Variants in SMARCA2 observed in about 807,000 individuals in gnomAD.
The protein encoded by SMARCA2 is SWI/SNF-related matrix-associated actin-dependent regulator of chromatin subfamily A member 2.
SMARCA2 carries 61 observed loss-of-function variants against 199.8 expected under a neutral mutation model. That is an observed-to-expected ratio of 0.31 (90% CI 0.25 to 0.38). The LOEUF is 0.38. Among genes scored for constraint, SMARCA2 ranks in the 10% least tolerant of loss-of-function variants. The pLI, the probability that SMARCA2 is intolerant of heterozygous loss-of-function variation, is 1.00. For synonymous variants in SMARCA2, 935 were observed against 732.0 expected (o/e 1.28, Z -4.48); for missense variants, 1,344 against 2,012.2 (o/e 0.67, Z 6.35).
chr9:2,085,045 C>T (rs923151483), intron 17 of SMARCA2, among the ~76,000 whole-genome samples: 3 of 152,100 alleles, frequency 2.0e-5, no homozygotes, highest in African/African-American at 7.2e-5. Context: ...ACCTCTATTT[C>T]TGGGGTCTAT....
intron 5 of SMARCA2, among the ~76,000 whole-genome samples, chr9:2,049,973 C>T (rs1042737361): frequency 7.2e-5 from 11 of 152,188 alleles, no homozygotes; most frequent in African/African-American, 2.7e-4. Flanking sequence ...AATCATCTGT[C>T]AGAAATTCTT....
intron 14 of SMARCA2, 48 bp downstream of exon 14, chr9:2,077,824 T>A: frequency 6.5e-7 from 1 of 1,535,842 alleles, no homozygotes; most frequent in Non-Finnish European, 8.8e-7. Flanking sequence ...ACCATTTACC[T>A]AATTTTGATT....
At position 2,073,246 on chromosome 9, in the gene SMARCA2, C is replaced by G; in HGVS notation, c.1781C>G (p.Pro594Arg). 6.2e-7 allele frequency: 1 copy of G among 1,614,198 alleles called. No individual in the cohort carries two copies. Among genetic ancestry groups the G allele is most frequent in the Non-Finnish European group, 8.5e-7 (1 of 1,180,020 alleles). Residue 594 changes from proline to arginine, a missense_variant, in exon 11 of 34, where the codon CCT (proline) becomes CGT (arginine). Physicochemically the swap from Pro to Arg is moderately radical, Grantham distance 103. Around this residue, in one of 18 missense-constraint regions of SMARCA2, gnomAD observed 68 missense variants for 70.4 expected, o/e 0.97. Coordinates refer to ENST00000349721, the MANE Select transcript of SMARCA2 (RefSeq NM_003070.5). ...GAGAGCAGCCAGATGAGTGACCTCCCTGTCAAAGTGACTCACACAGAAACC... is the reference window on the plus strand; with the variant it reads ...GAGAGCAGCCAGATGAGTGACCTCCGTGTCAAAGTGACTCACACAGAAACC... ...IDESSQMSDL[P>R]VKVTHTETGK...
intron 12 of SMARCA2, 78 bp downstream of exon 12, chr9:2,073,701 G>T: frequency 9.3e-7 from 1 of 1,076,412 alleles, no homozygotes; most frequent in Non-Finnish European, 1.4e-6. Flanking sequence ...TGTAAGCCCG[G>T]GCCTTGGGTC....
chr9:2,152,136 TA>T (rs1279786719), intron 27 of SMARCA2, among the ~76,000 whole-genome samples: 1 of 152,200 alleles, frequency 6.6e-6, no homozygotes, highest in African/African-American at 2.4e-5. Flanking sequence ...ACCACTAGTG[TA>T]AATCAGGATG....
intron 21 of SMARCA2, among the ~76,000 whole-genome samples, 164 bp from the exon 22 acceptor site, chr9:2,101,406 A>G (rs932253623): frequency 1.3e-5 from 2 of 152,182 alleles, no homozygotes; most frequent in Non-Finnish European, 2.9e-5. Context: ...GTCTGCATGC[A>G]ATATACTGAA....
intron 31 of SMARCA2, among the ~76,000 whole-genome samples, chr9:2,184,861 T>TCTCG (rs1487571816): frequency 5.0e-4 from 76 of 151,542 alleles, no homozygotes; most frequent in African/African-American, 1.8e-3. Flanking sequence ...TCTCTCTCTC[T>TCTCG]CGCGCGGGTC....
chr9:2,071,463 C>A (rs533308531), intron 10 of SMARCA2, among the ~76,000 whole-genome samples: 11 of 152,328 alleles, frequency 7.2e-5, no homozygotes, highest in African/African-American at 2.4e-4. Context: ...AAGAATGCCT[C>A]CCATTGGTCT....
chr9:2,176,006 G>T (rs940479977), intron 29 of SMARCA2, among the ~76,000 whole-genome samples: 2 of 151,624 alleles, frequency 1.3e-5, no homozygotes, highest in African/African-American at 4.9e-5. Flanking sequence ...TCAGCCTCCT[G>T]AGTAGCTGGG....
At chr9:2,144,489 A>G (rs549064011) in intron 27 of SMARCA2, among the ~76,000 whole-genome samples, 4,171 of 152,240 alleles carry the variant, frequency 0.027, 71 homozygotes, top group Non-Finnish European at 0.045. Flanking sequence ...CTGAGTCCCG[A>G]CAAGGTCATG....
chr9:2,192,822 A>T lies in SMARCA2; in HGVS notation c.*83A>T. The T allele has an allele frequency of 1.0e-6, 1 of 985,496 alleles. No homozygotes were observed. The highest frequency in any genetic ancestry group is 1.6e-6 in the Non-Finnish European group (1 of 611,898). The allele number at this position is 985,496 out of a possible 1,614,324, so 61.0% of individuals were successfully genotyped here. On this transcript the variant is annotated 3_prime_UTR_variant, in exon 34 of 34. Transcript: ENST00000349721. ...TACCCAGTGAGTTCATTTGTCATATAGGCACTGGGTTGTTTCTATATCATC... is the reference window on the plus strand; with the variant it reads ...TACCCAGTGAGTTCATTTGTCATATTGGCACTGGGTTGTTTCTATATCATC...
rs957437136 is a variant in SMARCA2, at chr9:2,056,406, C to T, written c.1174-266C>T. Among the ~76,000 whole-genome samples, 10 of 152,248 alleles carry T rather than the reference C, an allele frequency of 6.6e-5. No individual in the cohort carries two copies. The highest frequency in any genetic ancestry group is 1.3e-4 in the Non-Finnish European group (9 of 68,016). ...TGAAGTTATTTAAAAGGCAAGACAA[C>T]ATCTTTTCTTTCTTTTACTGTTACA... On this transcript the variant is annotated intron_variant, in intron 6 of 33. Transcript: ENST00000349721. This position sits in a 1 kb window ranked among gnomAD's most constrained non-coding sequence, Gnocchi z 4.0.
intron 9 of SMARCA2, among the ~76,000 whole-genome samples, chr9:2,067,836 T>A (rs1820911230): frequency 6.6e-6 from 1 of 152,252 alleles, no homozygotes; most frequent in Non-Finnish European, 1.5e-5. Context: ...AGGGCCTGAC[T>A]GTGAGGCAGT....
chr9:2,164,964 C>G (rs977182879), intron 28 of SMARCA2, among the ~76,000 whole-genome samples: 5 of 152,082 alleles, frequency 3.3e-5, no homozygotes, highest in East Asian at 1.9e-4. Context: ...TTTTGTATTT[C>G]TCTTTAACTT....
rs148679148 is a variant in SMARCA2, at chr9:2,156,810, C to A, written c.3982-4876C>A. Among the ~76,000 whole-genome samples, 434 of 152,324 alleles carry A rather than the reference C, an allele frequency of 2.8e-3. 2 individuals are homozygous for A. Among genetic ancestry groups the A allele is most frequent in the Middle Eastern group, 0.01 (3 of 294 alleles). ...TGTGCAACCATCACCAACATCCCAT[C>A]TTCAGAACTTTTCCGTTATCTCAAA... On this transcript the variant is annotated intron_variant, in intron 27 of 33. Transcript: ENST00000349721.
chr9:2,144,909 C>T (rs571969179), intron 27 of SMARCA2, among the ~76,000 whole-genome samples: 1 of 152,096 alleles, frequency 6.6e-6, no homozygotes, highest in East Asian at 1.9e-4. Flanking sequence ...GGTAATTGCC[C>T]ACATTTGACT....
chr9:2,015,652 C>T (rs1231147414), intron 1 of SMARCA2, among the ~76,000 whole-genome samples: 1 of 152,162 alleles, frequency 6.6e-6, no homozygotes, highest in Admixed American at 6.5e-5. Flanking sequence ...TCCCAGGCGG[C>T]GGTGGAAGAA....
At chr9:2,083,186 A>C (rs1425210284) in intron 15 of SMARCA2, among the ~76,000 whole-genome samples, 161 bp from the exon 16 acceptor site, 1 of 152,122 alleles carries the variant, frequency 6.6e-6, no homozygotes, top group East Asian at 1.9e-4. Flanking sequence ...TTTTGAACTT[A>C]TCTCCTATTT....
chr9:2,028,616 A>G (rs891971462), intron 1 of SMARCA2, among the ~76,000 whole-genome samples: 2 of 152,222 alleles, frequency 1.3e-5, no homozygotes, highest in South Asian at 4.1e-4. Flanking sequence ...GTGGGGGTTA[A>G]TGTCTTGTAA....
Sources: gnomAD v4.1 joint callset for allele counts (sites outside exome capture counted in the v4.1 genomes callset) on GRCh38, gnomAD v4.1.1 for gene constraint, gnomAD v4.1.1 regional missense constraint, Gnocchi (gnomAD v3.1) non-coding constraint, MANE v1.5 for transcripts, NCBI Gene and HGNC (gene_info 2026-07-23, HGNC 2026-07-21) for gene names.